SMG1: variants seen among roughly 807,000 people sequenced by gnomAD.
The protein encoded by SMG1 is serine/threonine-protein kinase SMG1.
A neutral mutation model predicts 419.9 loss-of-function variants in SMG1; 22 were observed. The ratio of observed to expected loss-of-function variants is 0.05; its 90% CI spans 0.04 to 0.07. The LOEUF (loss-of-function observed/expected upper bound fraction) is 0.07. Among genes scored for constraint, SMG1 ranks in the 10% least tolerant of loss-of-function variants. The pLI is 1.00. For missense variants in SMG1, 3,185 were observed against 4,342.0 expected, an observed-to-expected ratio of 0.73 and a Z score of 7.49; for synonymous variants, 1,538 against 1,553.5, an observed-to-expected ratio of 0.99 and a Z score of 0.23.
chr16:18,867,312 T>C (rs1315285421), intron 22 of SMG1, among the ~76,000 whole-genome samples: 1 of 152,026 alleles, frequency 6.6e-6, no homozygotes, highest in Non-Finnish European at 1.5e-5. Flanking sequence ...GGTGGGCAGA[T>C]CACTTGTGGT....
intron 60 of SMG1, among the ~76,000 whole-genome samples, chr16:18,813,564 CTT>C (rs1025969708): frequency 6.6e-6 from 1 of 152,116 alleles, no homozygotes. Context: ...GGATATTAGA[CTT>C]TTGTCAGATG....
chr16:18,815,991 TAAGA>T, intron 58 of SMG1: 1 of 461,550 alleles, frequency 2.2e-6, no homozygotes, highest in East Asian at 4.2e-5. Context: ...TTGGTATAGC[TAAGA>T]AAGAGAAAGA....
At chr16:18,875,609 TATTCCAA>T (rs2036084951) in intron 13 of SMG1, 1 of 149,770 alleles carries the variant, frequency 6.7e-6, no homozygotes, top group South Asian at 2.1e-4. Context: ...AAAAAAAAAG[TATTCCAA>T]AATCCAAAAT....
In SMG1 at chr16:18,863,612, T is replaced by C. The variant is rs372042841; in HGVS notation, c.3695+38A>G. On this transcript the variant is annotated intron_variant, in intron 25 of 62. Coordinates refer to ENST00000446231, the MANE Select transcript of SMG1 (RefSeq NM_015092.5). ...GCCATAGGAAAAACATCATAGTTAT[T>C]GGAAATTTGTTTTATAACTGGAAAA... The C allele has an allele frequency of 1.6e-5, 24 of 1,543,654 alleles. No individual in the cohort carries two copies. The East Asian group carries it at 2.9e-4, about 19-fold the overall frequency.
At chr16:18,890,600 A>G (rs551791865) in intron 5 of SMG1, among the ~76,000 whole-genome samples, 1 of 152,236 alleles carries the variant, frequency 6.6e-6, no homozygotes, top group Non-Finnish European at 1.5e-5. Flanking sequence ...CAGTGAGCTG[A>G]GATCGCACCA....
chr16:18,904,627 A>C (rs2037485784), intron 1 of SMG1, among the ~76,000 whole-genome samples: 1 of 149,908 alleles, frequency 6.7e-6, no homozygotes, highest in African/African-American at 2.5e-5. Context: ...ACAGAGCAAG[A>C]CTCTGTCTCA....
rs1421500704 is a variant in SMG1, at chr16:18,892,452, T to C, written c.413-98A>G. ...AAAATTATTTAAATAATAACTAAAT[T>C]ATTATGGTGGCTCATGCCTGTAATC... is the stretch of plus-strand genomic sequence containing the variant. On this transcript the variant is annotated intron_variant, in intron 3 of 62. Coordinates refer to ENST00000446231, the MANE Select transcript of SMG1 (RefSeq NM_015092.5). The C allele has an allele frequency of 2.6e-5, 25 of 979,896 alleles. No homozygotes were observed. The East Asian group carries it at 6.5e-4, about 26-fold the overall frequency. 60.7% of individuals were successfully genotyped at this position (979,896 alleles called of 1,614,324 possible). A position where few individuals can be genotyped will look rare whatever the true frequency, so the allele number is the denominator to read the frequency against.
intron 48 of SMG1, among the ~76,000 whole-genome samples, chr16:18,835,458 G>A (rs755715158): frequency 1.4e-4 from 21 of 151,716 alleles, no homozygotes; most frequent in Non-Finnish European, 2.9e-4. Context: ...TGGGCAACAC[G>A]GCGAAACTCC....
At chr16:18,854,112 G>C (rs757974910) in intron 30 of SMG1, among the ~76,000 whole-genome samples, 5 of 124,316 alleles carry the variant, frequency 4.0e-5, no homozygotes, top group Non-Finnish European at 8.2e-5. Flanking sequence ...TTTGAGGCAG[G>C]GTTTCACTCT....
In SMG1 at chr16:18,829,925, C is replaced by A; in HGVS notation, c.9133+1G>T. The A allele has an allele frequency of 6.5e-7, 1 of 1,541,098 alleles. No individual in the cohort carries two copies. The highest frequency in any genetic ancestry group is 8.7e-7 in the Non-Finnish European group (1 of 1,146,134). On this transcript the variant is annotated splice_donor_variant, in intron 53 of 62. Coordinates refer to ENST00000446231, the MANE Select transcript of SMG1 (RefSeq NM_015092.5). LOFTEE classifies it high-confidence loss of function. Reference sequence around the variant, plus strand: ...TAGTATGTTTACAGGTAGAATATTACCTGACAATGTTTTAGAAAAGGTACC... The same window carrying A: ...TAGTATGTTTACAGGTAGAATATTAACTGACAATGTTTTAGAAAAGGTACC...
At chr16:18,893,337 T>C (rs1252907175) in intron 3 of SMG1, among the ~76,000 whole-genome samples, 2 of 152,196 alleles carry the variant, frequency 1.3e-5, no homozygotes, top group Non-Finnish European at 2.9e-5. Context: ...AAAAACTAGA[T>C]TTTTGCTGGG....
intron 56 of SMG1, among the ~76,000 whole-genome samples, chr16:18,819,144 T>C (rs2032290074): frequency 6.6e-6 from 1 of 152,248 alleles, no homozygotes; most frequent in Admixed American, 6.5e-5. Context: ...TAAGACGTTT[T>C]ATTGTCATGT....
chr16:18,917,640 C>G (rs562394665), intron 1 of SMG1, among the ~76,000 whole-genome samples: 1 of 151,660 alleles, frequency 6.6e-6, no homozygotes, highest in Non-Finnish European at 1.5e-5. Flanking sequence ...TGCAACGGCG[C>G]AATTTCAGTT....
At chr16:18,855,258 A>G (rs1248836863) in intron 29 of SMG1, among the ~76,000 whole-genome samples, 1 of 152,120 alleles carries the variant, frequency 6.6e-6, no homozygotes, top group Admixed American at 6.5e-5. Flanking sequence ...CCCTTCCACC[A>G]TTCTCCTGGT....
intron 1 of SMG1, among the ~76,000 whole-genome samples, chr16:18,924,593 A>C (rs1266735717): frequency 6.6e-6 from 1 of 152,218 alleles, no homozygotes; most frequent in East Asian, 1.9e-4. Context: ...TTAATCAACT[A>C]ATTTTATTTA....
At chr16:18,874,453 TC>T in intron 13 of SMG1, among the ~76,000 whole-genome samples, 1 of 151,638 alleles carries the variant, frequency 6.6e-6, no homozygotes, top group East Asian at 1.9e-4. Flanking sequence ...CCTATTACTT[TC>T]TATTAAAAAG....
chr16:18,923,466 G>C (rs530782813), intron 1 of SMG1, among the ~76,000 whole-genome samples: 44 of 152,070 alleles, frequency 2.9e-4, no homozygotes, highest in African/African-American at 1.1e-3. Context: ...CAACATGGTG[G>C]AATCCCGTCT....
In SMG1 at chr16:18,813,932, G is replaced by A. The variant is rs557407241; in HGVS notation, c.10621+1243C>T. On this transcript the variant is annotated intron_variant, in intron 60 of 62. Transcript: ENST00000446231. ...TGTAATTCCAGCTACTGGGGAGGTTGAGGCAGGAGAATCCCCTGAACCCAG... is the reference window on the plus strand; with the variant it reads ...TGTAATTCCAGCTACTGGGGAGGTTAAGGCAGGAGAATCCCCTGAACCCAG... Among the ~76,000 whole-genome samples, 7 of 150,244 alleles carry A rather than the reference G, an allele frequency of 4.7e-5. No individual in the cohort carries two copies. In the East Asian group the frequency reaches 1.4e-3, roughly 29 times the overall value.
In SMG1 at chr16:18,843,382, T is replaced by C. The variant is rs148067331; in HGVS notation, c.6220-928A>G. Among the ~76,000 whole-genome samples the C allele has an allele frequency of 1.4e-4, 22 of 152,332 alleles. No individual in the cohort carries two copies. The East Asian group carries it at 4.2e-3, about 29-fold the overall frequency. On this transcript the variant is annotated intron_variant, in intron 39 of 62. Coordinates refer to ENST00000446231, the MANE Select transcript of SMG1 (RefSeq NM_015092.5). ...TGAGGTTTGCAGAAAAGCCCTATAA[T>C]ACTTTCTAATAATCACAGGGAACAG...
Sources: allele counts gnomAD v4.1 joint callset (sites outside exome capture counted in the v4.1 genomes callset), GRCh38; gene constraint gnomAD v4.1.1; transcripts MANE v1.5; gene names NCBI Gene and HGNC (gene_info 2026-07-23, HGNC 2026-07-21).